PCMTD1: variants seen among roughly 807,000 people sequenced by gnomAD.
The protein encoded by PCMTD1 is protein-L-isoaspartate (D-aspartate) O-methyltransferase domain containing 1.
In PCMTD1, 12 loss-of-function variants were observed where a neutral mutation model predicts 37.6. That is an observed-to-expected ratio of 0.32 (90% CI 0.20 to 0.52). PCMTD1 has a LOEUF of 0.52. Among genes scored for constraint, PCMTD1 ranks in the 20% least tolerant of loss-of-function variants. The pLI is 0.97. For synonymous variants in PCMTD1, 117 were observed against 135.8 expected (o/e 0.86, Z 0.96); for missense variants, 235 against 421.3 (o/e 0.56, Z 3.87).
At position 51,849,960 on chromosome 8, in the gene PCMTD1, A is replaced by G. The variant is rs1425544912; in HGVS notation, c.308-4197T>C. The G allele has an allele frequency of 4.5e-6, 3 of 663,270 alleles. No individual in the cohort carries two copies. In the East Asian group the frequency reaches 8.1e-5, roughly 18 times the overall value. 41.1% of individuals were successfully genotyped at this position (663,270 alleles called of 1,614,324 possible). On this transcript the variant is annotated intron_variant, in intron 2 of 5. Transcript: ENST00000522514. ...TTTGAATGAAGTTCACTGTGCCTTT[A>G]GTATTTTGTGTAAAGCTAACTTACA...
At position 51,861,213 on chromosome 8, in the gene PCMTD1, A is replaced by G; in HGVS notation, c.-62T>C. On this transcript the variant is annotated 5_prime_UTR_variant, in exon 2 of 6. Transcript: ENST00000522514. ...AATAAAATTAGTAGAAATGGCTTCCAATATTGCACTTGATTTCCAAAAATA... is the reference window on the plus strand; with the variant it reads ...AATAAAATTAGTAGAAATGGCTTCCGATATTGCACTTGATTTCCAAAAATA... 6.7e-7 allele frequency: 1 copy of G among 1,496,282 alleles called. No homozygotes were observed. The highest frequency in any genetic ancestry group is 8.9e-7 in the Non-Finnish European group (1 of 1,121,374). The allele number at this position is 1,496,282 out of a possible 1,614,324, so 92.7% of individuals were successfully genotyped here.
intron 1 of PCMTD1, among the ~76,000 whole-genome samples, chr8:51,886,172 A>G (rs1158062342): frequency 6.6e-6 from 1 of 152,196 alleles, no homozygotes; most frequent in Non-Finnish European, 1.5e-5. Flanking sequence ...CATATTGCCG[A>G]AGAGACTTCA....
intron 1 of PCMTD1, among the ~76,000 whole-genome samples, chr8:51,861,502 G>A (rs1201485218): frequency 1.3e-5 from 2 of 152,060 alleles, no homozygotes; most frequent in African/African-American, 2.4e-5. Context: ...ACCTAGTACC[G>A]TGAAGCCCAT....
At chr8:51,861,306 GTTTATT>G in intron 1 of PCMTD1, 60 bp from the exon 2 acceptor site, 1 of 1,204,484 alleles carries the variant, frequency 8.3e-7, no homozygotes. Context: ...AAAATAACTT[GTTTATT>G]AAATGTATGT....
chr8:51,841,332 C>T (rs1345770183), intron 3 of PCMTD1, among the ~76,000 whole-genome samples: 1 of 152,152 alleles, frequency 6.6e-6, no homozygotes, highest in Non-Finnish European at 1.5e-5. Context: ...GCAAACTATA[C>T]AGAGACAATG....
chr8:51,871,575 A>C (rs1329062299), intron 1 of PCMTD1, among the ~76,000 whole-genome samples: 1 of 152,142 alleles, frequency 6.6e-6, no homozygotes, highest in Non-Finnish European at 1.5e-5. Flanking sequence ...ATTTAGCAAA[A>C]ATTGTCTTGT....
chr8:51,888,955 G>A (rs913549942), intron 1 of PCMTD1, among the ~76,000 whole-genome samples: 19 of 151,850 alleles, frequency 1.3e-4, no homozygotes, highest in African/African-American at 4.6e-4. Context: ...CTCTCTCACT[G>A]CAGTAACTTC....
At chr8:51,847,087 T>G (rs1225498057) in intron 2 of PCMTD1, among the ~76,000 whole-genome samples, 1 of 152,222 alleles carries the variant, frequency 6.6e-6, no homozygotes, top group Non-Finnish European at 1.5e-5. Context: ...ACTCTTAGCC[T>G]TCAACTGAAA....
chr8:51,841,503 C>T (rs937908631), intron 3 of PCMTD1, among the ~76,000 whole-genome samples: 2 of 152,146 alleles, frequency 1.3e-5, no homozygotes, highest in Non-Finnish European at 2.9e-5. Flanking sequence ...GAGAAAATGG[C>T]CCTCTCCAAA....
intron 5 of PCMTD1, among the ~76,000 whole-genome samples, chr8:51,830,520 A>G (rs1414390928): frequency 6.6e-6 from 1 of 152,186 alleles, no homozygotes; most frequent in Admixed American, 6.5e-5. Flanking sequence ...CTCCCGAGTC[A>G]GCTATTCTTC....
In PCMTD1 at chr8:51,820,245, T is replaced by C; in HGVS notation, c.*106A>G. The C allele has an allele frequency of 9.6e-7, 1 of 1,038,384 alleles. No homozygotes were observed. The highest frequency in any genetic ancestry group is 1.3e-6 in the Non-Finnish European group (1 of 773,044). 64.3% of individuals were successfully genotyped at this position (1,038,384 alleles called of 1,614,324 possible). ...GAAACAAGTGATTTTTTTTCCACTATAATTTGCTCTGATGAAAGAAATAAT... is the reference window on the plus strand; with the variant it reads ...GAAACAAGTGATTTTTTTTCCACTACAATTTGCTCTGATGAAAGAAATAAT... On this transcript the variant is annotated 3_prime_UTR_variant, in exon 6 of 6. Transcript: ENST00000522514.
intron 3 of PCMTD1, among the ~76,000 whole-genome samples, chr8:51,835,090 T>C (rs2038050973): frequency 6.6e-6 from 1 of 152,162 alleles, no homozygotes; most frequent in Admixed American, 6.5e-5. Context: ...TCTACTAGAC[T>C]CCTTTCCTGT....
intron 1 of PCMTD1, among the ~76,000 whole-genome samples, chr8:51,865,460 T>C (rs886920243): frequency 2.6e-5 from 4 of 152,062 alleles, no homozygotes; most frequent in South Asian, 2.1e-4. Context: ...CAACAGAACA[T>C]TGAAAGGATC....
At chr8:51,882,856 A>AG (rs1563361783) in intron 1 of PCMTD1, among the ~76,000 whole-genome samples, 1 of 151,226 alleles carries the variant, frequency 6.6e-6, no homozygotes, top group African/African-American at 2.4e-5. Flanking sequence ...GGCCGGACGC[A>AG]GTGGCTCACA....
At chr8:51,857,420 G>A (rs563934338) in intron 2 of PCMTD1, among the ~76,000 whole-genome samples, 152 of 152,276 alleles carry the variant, frequency 1.0e-3, no homozygotes, top group African/African-American at 3.4e-3. Context: ...AAATGAAAAT[G>A]AATCCCTAAG....
At chr8:51,899,067 G>T (rs568426345), upstream of PCMTD1, 7 of 1,501,862 alleles carry the variant, frequency 4.7e-6, no homozygotes, top group Non-Finnish European at 6.2e-6. Flanking sequence ...CGCGACTGGA[G>T]CAGCCAGAGC....
chr8:51,853,937 A>G (rs2038344909), intron 2 of PCMTD1, among the ~76,000 whole-genome samples: 1 of 152,178 alleles, frequency 6.6e-6, no homozygotes, highest in Non-Finnish European at 1.5e-5. Flanking sequence ...GTGATCATAA[A>G]AGCAGTGTGA....
intron 1 of PCMTD1, among the ~76,000 whole-genome samples, chr8:51,875,997 C>T (rs7843530): frequency 0.14 from 21,039 of 151,970 alleles, 2,648 homozygotes; most frequent in African/African-American, 0.32. Context: ...TGCACGCATG[C>T]GTGTGTTATC....
intron 2 of PCMTD1, among the ~76,000 whole-genome samples, chr8:51,858,567 A>C (rs2038425633): frequency 6.6e-6 from 1 of 152,228 alleles, no homozygotes; most frequent in South Asian, 2.1e-4. Context: ...CACAAAACAC[A>C]AACTAAAAAC....
Sources: allele counts gnomAD v4.1 joint callset (sites outside exome capture counted in the v4.1 genomes callset), GRCh38; gene constraint gnomAD v4.1.1; transcripts MANE v1.5; gene names NCBI Gene and HGNC (gene_info 2026-07-23, HGNC 2026-07-21).